Variants in KCNQ5 observed in about 807,000 individuals in gnomAD.
KCNQ5 encodes potassium voltage-gated channel subfamily Q member 5.
In KCNQ5, 30 loss-of-function variants were observed where a neutral mutation model predicts 98.2. The ratio of observed to expected loss-of-function variants is 0.31; its 90% CI spans 0.23 to 0.41. The LOEUF is 0.41. Among genes scored for constraint, KCNQ5 ranks in the 10% least tolerant of loss-of-function variants. KCNQ5 has a pLI of 1.00. For synonymous variants in KCNQ5, 458 were observed against 449.4 expected (o/e 1.02, Z -0.24); for missense variants, 835 against 1,182.5 (o/e 0.71, Z 4.31).
At chr6:72,888,011 G>A (rs539118558) in intron 1 of KCNQ5, among the ~76,000 whole-genome samples, 1 of 152,170 alleles carries the variant, frequency 6.6e-6, no homozygotes, top group African/African-American at 2.4e-5. Flanking sequence ...AAATAAAATT[G>A]TGAGAAAAAT....
rs115383309 is a variant in KCNQ5 at position 72,978,114 on chromosome 6, A to T, written c.399-25794A>T. Among the ~76,000 whole-genome samples the T allele has an allele frequency of 7.7e-3, 1,179 of 152,346 alleles. 11 individuals carry two copies. The highest frequency in any genetic ancestry group is 0.027 in the African/African-American group (1,123 of 41,574). On this transcript the variant is annotated intron_variant, in intron 1 of 13. Coordinates refer to ENST00000370398, the MANE Select transcript of KCNQ5 (RefSeq NM_019842.4). ...TGGTGCTGTTTGCTCAGAGGAAAATATAACAGAGTTAACAAGAATATCAAA... is the reference window on the plus strand; with the variant it reads ...TGGTGCTGTTTGCTCAGAGGAAAATTTAACAGAGTTAACAAGAATATCAAA...
chr6:72,930,473 A>T (rs540257342), intron 1 of KCNQ5, among the ~76,000 whole-genome samples: 1 of 150,298 alleles, frequency 6.7e-6, no homozygotes, highest in Non-Finnish European at 1.5e-5. Flanking sequence ...CATTTGTGCC[A>T]TGTTTGCTGT....
chr6:72,919,608 G>C (rs1337259604), intron 1 of KCNQ5, among the ~76,000 whole-genome samples: 1 of 152,056 alleles, frequency 6.6e-6, no homozygotes, highest in Non-Finnish European at 1.5e-5. Context: ...TACACATCTG[G>C]CTCACAGTCT....
chr6:72,852,361 G>A (rs1185401056), intron 1 of KCNQ5, among the ~76,000 whole-genome samples: 1 of 151,408 alleles, frequency 6.6e-6, no homozygotes, highest in Non-Finnish European at 1.5e-5. Context: ...ATCAACCTAT[G>A]TGCCCATCAA....
At chr6:72,987,257 T>C (rs1377036933) in intron 1 of KCNQ5, 1 of 689,860 alleles carries the variant, frequency 1.4e-6, no homozygotes, top group African/African-American at 1.7e-5. Context: ...CAAGAGACCC[T>C]TGGAAGGAGG....
At chr6:72,831,656 C>G (rs1015468250) in intron 1 of KCNQ5, among the ~76,000 whole-genome samples, 5 of 150,486 alleles carry the variant, frequency 3.3e-5, no homozygotes, top group African/African-American at 1.2e-4. Flanking sequence ...TGCAGCACAC[C>G]AACATGGCAC....
At chr6:73,174,036 C>T (rs1017963933) in intron 11 of KCNQ5, among the ~76,000 whole-genome samples, 2 of 151,424 alleles carry the variant, frequency 1.3e-5, no homozygotes, top group Non-Finnish European at 2.9e-5. Flanking sequence ...CTGCTTCTTA[C>T]CGGTATTGTT....
At chr6:72,967,574 AG>A (rs1767680250) in intron 1 of KCNQ5, 1 of 152,940 alleles carries the variant, frequency 6.5e-6, no homozygotes, top group Admixed American at 6.5e-5. Context: ...ATGCACTACA[AG>A]GGTCTCAAAA....
intron 1 of KCNQ5, among the ~76,000 whole-genome samples, chr6:72,983,880 A>C (rs1451692542): frequency 6.6e-6 from 1 of 151,784 alleles, no homozygotes; most frequent in Non-Finnish European, 1.5e-5. Flanking sequence ...CTTTTTGTGG[A>C]TGTTCATGCT....
intron 1 of KCNQ5, among the ~76,000 whole-genome samples, chr6:72,958,593 A>G (rs1767195405): frequency 6.6e-6 from 1 of 152,176 alleles, no homozygotes; most frequent in Non-Finnish European, 1.5e-5. Flanking sequence ...GATTTAGATT[A>G]TTTTGTGCAG....
In KCNQ5 at chr6:72,888,575, G is replaced by A. The variant is rs145829215; in HGVS notation, c.399-115333G>A. Among the ~76,000 whole-genome samples the A allele has an allele frequency of 5.3e-3, 803 of 152,266 alleles. 9 individuals are homozygous for A. Among genetic ancestry groups the A allele is most frequent in the African/African-American group, 0.017 (700 of 41,552 alleles). On this transcript the variant is annotated intron_variant, in intron 1 of 13. Transcript: ENST00000370398. ...TAATGGCTTAGAAGGGATCCAGACT[G>A]CATTTGCGATGAACCATACATGTTT...
intron 5 of KCNQ5, among the ~76,000 whole-genome samples, chr6:73,091,939 A>G (rs1774269229): frequency 6.6e-6 from 1 of 152,058 alleles, no homozygotes; most frequent in Admixed American, 6.6e-5. Context: ...CATTTTTACA[A>G]TATTGATTCT....
chr6:73,053,934 G>C (rs1436080682), intron 3 of KCNQ5, among the ~76,000 whole-genome samples: 1 of 151,800 alleles, frequency 6.6e-6, no homozygotes, highest in East Asian at 1.9e-4. Flanking sequence ...GAATAAATAA[G>C]ATAGATAAAA....
intron 5 of KCNQ5, among the ~76,000 whole-genome samples, chr6:73,096,970 G>A (rs957749017): frequency 2.8e-4 from 42 of 152,126 alleles, no homozygotes; most frequent in African/African-American, 8.7e-4. Context: ...TTGAACCTGC[G>A]AGGCAGTTTG....
chr6:72,713,127 A>G (rs1031453663), intron 1 of KCNQ5, among the ~76,000 whole-genome samples: 1 of 152,178 alleles, frequency 6.6e-6, no homozygotes, highest in Non-Finnish European at 1.5e-5. Flanking sequence ...TTAGTCAGAG[A>G]TGCAATTCCT....
chr6:72,941,718 T>C (rs1280195325), intron 1 of KCNQ5, among the ~76,000 whole-genome samples: 1 of 34,746 alleles, frequency 2.9e-5, no homozygotes, highest in African/African-American at 7.3e-5. Context: ...CTTTCTTTCT[T>C]TCTTTCTTTC....
At chr6:72,918,728 T>C (rs896237128) in intron 1 of KCNQ5, among the ~76,000 whole-genome samples, 3 of 152,050 alleles carry the variant, frequency 2.0e-5, no homozygotes, top group African/African-American at 7.2e-5. Flanking sequence ...CCAAATAAAA[T>C]TTTCGGGTCC....
intron 1 of KCNQ5, among the ~76,000 whole-genome samples, chr6:72,746,381 G>T (rs1771409124): frequency 6.6e-6 from 1 of 152,094 alleles, no homozygotes; most frequent in South Asian, 2.1e-4. Flanking sequence ...TCTTTCTCAT[G>T]ATTTTCTCCG....
rs549477468 is a variant in KCNQ5 at position 73,156,567 on chromosome 6, G to A, written c.1469-13179G>A. 5.3e-5 allele frequency among the ~76,000 whole-genome samples: 8 copies of A among 151,788 alleles called. No individual in the cohort carries two copies. The South Asian group carries it at 1.5e-3, about 28-fold the overall frequency. On this transcript the variant is annotated intron_variant, in intron 10 of 13. Transcript: ENST00000370398. ...TTGAACCCGGGAGGCAGAGGTTGGCGTGAGCCGAGATCACACCATTGCACT... is the reference window on the plus strand; with the variant it reads ...TTGAACCCGGGAGGCAGAGGTTGGCATGAGCCGAGATCACACCATTGCACT...
Sources: allele counts gnomAD v4.1 joint callset (sites outside exome capture counted in the v4.1 genomes callset), GRCh38; gene constraint gnomAD v4.1.1; transcripts MANE v1.5; gene names NCBI Gene and HGNC (gene_info 2026-07-23, HGNC 2026-07-21).